The following ENG variants were observed in gnomAD, a reference collection of about 807,000 sequenced individuals.
ENG encodes the protein CD105 antigen.
In ENG, 17 loss-of-function variants were observed where a neutral mutation model predicts 71.0. The ratio of observed to expected loss-of-function variants is 0.24; its 90% CI spans 0.16 to 0.36. The LOEUF is 0.36. Ranked by LOEUF, ENG falls within the 10% of genes least tolerant of loss-of-function variation. The pLI, the probability that ENG is intolerant of heterozygous loss-of-function variation, is 1.00. For synonymous variants in ENG, 360 were observed against 366.9 expected (o/e 0.98, Z 0.21); for missense variants, 749 against 868.3 (o/e 0.86, Z 1.73).
intron 2 of ENG, among the ~76,000 whole-genome samples, chr9:127,839,382 A>G (rs1830974818): frequency 6.6e-6 from 1 of 152,108 alleles, no homozygotes; most frequent in South Asian, 2.1e-4. Flanking sequence ...CCTCCCAGGG[A>G]AACCACAGGG....
chr9:127,842,215 T>C (rs1831050578), intron 2 of ENG, among the ~76,000 whole-genome samples: 1 of 110,524 alleles, frequency 9.0e-6, no homozygotes, highest in Non-Finnish European at 1.7e-5. Context: ...AGCACTTCTC[T>C]TTTTCTTTTC....
intron 1 of ENG, among the ~76,000 whole-genome samples, chr9:127,850,565 T>C (rs1246556913): frequency 2.0e-5 from 3 of 152,234 alleles, no homozygotes; most frequent in Admixed American, 2.0e-4. Flanking sequence ...CCAGGCTCTT[T>C]TTCCTCCTAG....
rs1399968803 is a variant in ENG at position 127,846,731 on chromosome 9, G to A, written c.68-3486C>T. Among the ~76,000 whole-genome samples, 20 of 152,080 alleles carry A rather than the reference G, an allele frequency of 1.3e-4. No homozygotes were observed. Among genetic ancestry groups the A allele is most frequent in the Admixed American group, 8.5e-4 (13 of 15,272 alleles). ...GGGCCTGTCTCCCGGAGCCTGAGGC[G>A]GGCCCAGACCAAGTTGAAAACAATC... On this transcript the variant is annotated intron_variant, in intron 1 of 14. Transcript: ENST00000373203. This position sits in a 1 kb window ranked among gnomAD's most constrained non-coding sequence, Gnocchi z 5.5.
In ENG at chr9:127,819,528, T is replaced by C. The variant is rs41335948; in HGVS notation, c.1311+94A>G. 5,277 of 1,570,460 alleles carry C rather than the reference T, an allele frequency of 3.4e-3. 136 individuals carry two copies. In the African/African-American group the frequency reaches 0.059, roughly 17 times the overall value. ...CAGACACACATGGCTTGCCAGGAGTTTCCCGAGGCCTGCTCCCTCCCAGGC... is the reference window on the plus strand; with the variant it reads ...CAGACACACATGGCTTGCCAGGAGTCTCCCGAGGCCTGCTCCCTCCCAGGC... On this transcript the variant is annotated intron_variant, in intron 10 of 14. Transcript: ENST00000373203.
At chr9:127,841,853 T>C (rs1449495916) in intron 2 of ENG, among the ~76,000 whole-genome samples, 1 of 152,164 alleles carries the variant, frequency 6.6e-6, no homozygotes, top group East Asian at 1.9e-4. Flanking sequence ...GGATCTGGTG[T>C]GAACTCTGGC....
chr9:127,818,319 T>C lies in ENG; in HGVS notation c.1487A>G (p.Asp496Gly). The part of the protein sequence containing the change: ...FLLQLDSCHL[D>G]LGPEGGTVEL... ...CACGGTGCCTCCCTCAGGCCCCAAG[T>C]CCAGGTGGCAGCTGTCTAACTGGAG... The change falls in exon 12 of 15, where the codon GAC (aspartate) becomes GGC (glycine). Residue 496 changes from aspartate to glycine, a missense_variant. By Grantham distance (94) the Asp-to-Gly change is moderately conservative (BLOSUM62 -1). Transcript: ENST00000373203. 6.2e-7 allele frequency: 1 copy of C among 1,614,022 alleles called. No homozygotes were observed. Among genetic ancestry groups the C allele is most frequent in the South Asian group, 1.1e-5 (1 of 91,080 alleles).
At position 127,836,292 on chromosome 9, in the gene ENG, A is replaced by G. The variant is rs766502477; in HGVS notation, c.220-6465T>C. Reference sequence around the variant, plus strand: ...CAGCCCGGCCAGCCTGCGCCTACCCAGCCCCCTCCCTGAGTGGGTGGGCGG... The same window carrying G: ...CAGCCCGGCCAGCCTGCGCCTACCCGGCCCCCTCCCTGAGTGGGTGGGCGG... On this transcript the variant is annotated intron_variant, in intron 2 of 14. Coordinates refer to ENST00000373203, the MANE Select transcript of ENG (RefSeq NM_001114753.3). This position sits in a 1 kb window ranked among gnomAD's most constrained non-coding sequence, Gnocchi z 4.0. Among the ~76,000 whole-genome samples, 2 of 152,084 alleles carry G rather than the reference A, an allele frequency of 1.3e-5. No homozygotes were observed. Among genetic ancestry groups the G allele is most frequent in the Non-Finnish European group, 2.9e-5 (2 of 67,992 alleles).
At chr9:127,842,200 T>A (rs1831050189) in intron 2 of ENG, among the ~76,000 whole-genome samples, 1 of 147,834 alleles carries the variant, frequency 6.8e-6, no homozygotes, top group African/African-American at 2.5e-5. Context: ...TGGGCTCAAC[T>A]GAAAAGCACT....
At chr9:127,818,426 C>T (rs752398422) in intron 11 of ENG, 49 bp from the exon 12 acceptor site, 2 of 1,606,572 alleles carry the variant, frequency 1.2e-6, no homozygotes, top group South Asian at 1.1e-5. Context: ...CTCTTCACCC[C>T]ACCCCACCTG....
rs1481291635 is a variant in ENG at position 127,824,955 on chromosome 9, A to T, written c.836T>A (p.Phe279Tyr). The change falls in exon 7 of 15, where the codon TTC (phenylalanine) becomes TAC (tyrosine). Residue 279 changes from phenylalanine (F) to tyrosine (Y), a missense_variant. By Grantham distance (22) the Phe-to-Tyr change is conservative (BLOSUM62 3). Coordinates refer to ENST00000373203, the MANE Select transcript of ENG (RefSeq NM_001114753.3). ...AATGTTTTTCTCTGGAAAGATCTTG[A>T]AGGAGTATTCTCCAGTGGTCTAATG... Reference protein sequence around the residue: ...MQIWTTGEYSFKIFPEKNIRG... With the variant: ...MQIWTTGEYSYKIFPEKNIRG... 1 of 1,613,778 alleles carries T rather than the reference A, an allele frequency of 6.2e-7. No homozygotes were observed. Among genetic ancestry groups the T allele is most frequent in the African/African-American group, 1.3e-5 (1 of 74,998 alleles).
At chr9:127,840,513 AC>A (rs1392094519) in intron 2 of ENG, among the ~76,000 whole-genome samples, 1 of 152,144 alleles carries the variant, frequency 6.6e-6, no homozygotes, top group East Asian at 1.9e-4. Context: ...AAACAAACAA[AC>A]AAAAACAACA....
intron 2 of ENG, among the ~76,000 whole-genome samples, chr9:127,837,511 C>T (rs2131908197): frequency 6.6e-6 from 1 of 152,288 alleles, no homozygotes; most frequent in East Asian, 1.9e-4. Context: ...ACTCATTTGC[C>T]TGTCTGAGAG....
rs923296258 is a variant in ENG at position 127,836,873 on chromosome 9, C to T, written c.219+6221G>A. On this transcript the variant is annotated intron_variant, in intron 2 of 14. Transcript: ENST00000373203. This position sits in a 1 kb window ranked among gnomAD's most constrained non-coding sequence, Gnocchi z 4.0. ...CACGATCTCGGCTCACTGCAATCTCCGCCTCCTGGGTTCAAGTAATTCTGC... is the reference window on the plus strand; with the variant it reads ...CACGATCTCGGCTCACTGCAATCTCTGCCTCCTGGGTTCAAGTAATTCTGC... 2.6e-5 allele frequency among the ~76,000 whole-genome samples: 4 copies of T among 152,088 alleles called. No individual in the cohort carries two copies. Among genetic ancestry groups the T allele is most frequent in the East Asian group, 1.9e-4 (1 of 5,192 alleles).
intron 2 of ENG, among the ~76,000 whole-genome samples, chr9:127,833,841 A>G (rs1286949546): frequency 1.3e-5 from 2 of 152,252 alleles, no homozygotes; most frequent in Admixed American, 6.5e-5. Flanking sequence ...TCTGTTACTC[A>G]ATAATGATAC....
In ENG at chr9:127,854,513, G is replaced by C; in HGVS notation, c.-158C>G. On this transcript the variant is annotated 5_prime_UTR_variant, in exon 1 of 15. Coordinates refer to ENST00000373203, the MANE Select transcript of ENG (RefSeq NM_001114753.3). ...GCTCCAGCCTTCTGGGGTGGCGGCC[G>C]AGGGGTCAGGAGAAGTGGACACAGG... 1 of 709,310 alleles carries C rather than the reference G, an allele frequency of 1.4e-6. No individual in the cohort carries two copies. The highest frequency in any genetic ancestry group is 1.9e-5 in the South Asian group (1 of 52,942). The allele number at this position is 709,310 out of a possible 1,614,324, so 43.9% of individuals were successfully genotyped here.
chr9:127,848,083 C>T (rs41454247), intron 1 of ENG, among the ~76,000 whole-genome samples: 291 of 152,252 alleles, frequency 1.9e-3, no homozygotes, highest in African/African-American at 6.7e-3. Context: ...CCCATGGAGT[C>T]GGCAAGCAGG....
rs896325997 is a variant in ENG at position 127,818,603 on chromosome 9, G to A, written c.1428+113C>T. The A allele has an allele frequency of 1.3e-5, 19 of 1,408,170 alleles. No individual in the cohort carries two copies. In the Middle Eastern group the frequency reaches 9.2e-4, roughly 68 times the overall value. 87.2% of individuals were successfully genotyped at this position (1,408,170 alleles called of 1,614,324 possible). A position where few individuals can be genotyped will look rare whatever the true frequency, so the allele number is the denominator to read the frequency against. On this transcript the variant is annotated intron_variant, in intron 11 of 14. Coordinates refer to ENST00000373203, the MANE Select transcript of ENG (RefSeq NM_001114753.3). ...TCTCCCTCTCCCGTGCACCCAGGCT[G>A]TCTCCCTCCTGACTCTGGGAGTCTC...
intron 3 of ENG, among the ~76,000 whole-genome samples, chr9:127,827,802 G>T (rs1830660182): frequency 6.6e-6 from 1 of 151,836 alleles, no homozygotes; most frequent in Non-Finnish European, 1.5e-5. Flanking sequence ...GATCCCCTGA[G>T]GTCAGGAGTT....
chr9:127,818,877 G>A (rs373269099), intron 10 of ENG, 45 bp from the exon 11 acceptor site: 5 of 1,569,334 alleles, frequency 3.2e-6, no homozygotes, highest in Non-Finnish European at 4.4e-6. Context: ...GGCGGCGCCA[G>A]CCAGGAGGGC....
Sources: allele counts gnomAD v4.1 joint callset (sites outside exome capture counted in the v4.1 genomes callset), GRCh38; gene constraint gnomAD v4.1.1; non-coding constraint Gnocchi (gnomAD v3.1); transcripts MANE v1.5; gene names NCBI Gene and HGNC (gene_info 2026-07-23, HGNC 2026-07-21).